Variants in B4GALNT4 observed in about 807,000 individuals in gnomAD.
B4GALNT4 encodes the protein beta-1,4-N-acetyl-galactosaminyltransferase 4, also known as N-acetyl-beta-glucosaminyl-glycoprotein 4-beta-N-acetylgalactosaminyltransferase 1.
A neutral mutation model predicts 110.0 loss-of-function variants in B4GALNT4; 77 were observed. The observed-to-expected ratio is 0.70, with a 90% confidence interval of 0.58 to 0.85. The LOEUF (loss-of-function observed/expected upper bound fraction) is 0.85. Ranked by LOEUF, B4GALNT4 falls within the 40% of genes least tolerant of loss-of-function variation. The probability of loss-of-function intolerance (pLI) is 0.00; values close to 1 mark genes in which losing one functional copy is unlikely to be tolerated. For synonymous variants in B4GALNT4, 785 were observed against 655.5 expected (o/e 1.20, Z -3.02); for missense variants, 1,575 against 1,506.0 (o/e 1.05, Z -0.76).
chr11:373,652 G>A (rs768866573), intron 7 of B4GALNT4, 98 bp from the exon 8 acceptor site: 191 of 1,526,520 alleles, frequency 1.3e-4, no homozygotes, highest in Non-Finnish European at 1.7e-4. Flanking sequence ...CCTCCTGAGG[G>A]CCAGCCCTGA....
rs1564872659 is a variant in B4GALNT4 at position 380,038 on chromosome 11, AC to A, written c.2642+21del. On this transcript the variant is annotated intron_variant, in intron 16 of 19. Coordinates refer to ENST00000329962, the MANE Select transcript of B4GALNT4 (RefSeq NM_178537.5). ...TGCCCCGGTAACGACCCCTACTTCC[AC>A]CTGGGCGGACCCAGCGCAGCTTTCC... is the stretch of plus-strand genomic sequence containing the variant. 3.7e-6 allele frequency: 6 copies of A among 1,607,818 alleles called. No homozygotes were observed. The Admixed American group carries it at 1.0e-4, about 27-fold the overall frequency.
In B4GALNT4 at chr11:375,771, T is replaced by G; in HGVS notation, c.983T>G (p.Leu328Arg). Residue 328 changes from leucine to arginine, a missense_variant and splice_region_variant, in exon 10 of 20, where the codon CTC becomes CGC. By Grantham distance (102) the Leu-to-Arg change is moderately radical (BLOSUM62 -2). Coordinates refer to ENST00000329962, the MANE Select transcript of B4GALNT4 (RefSeq NM_178537.5). Reference sequence around the variant, plus strand: ...CCAGATCCCAGGGATACCTTTTTCCTCAGTGAGAGGGGGCCCGCGCGGGGG... The same window carrying G: ...CCAGATCCCAGGGATACCTTTTTCCGCAGTGAGAGGGGGCCCGCGCGGGGG... ...LRPDPRDTFF[L>R]TPRMESSSLE... 2.5e-6 allele frequency: 4 copies of G among 1,598,894 alleles called. No individual in the cohort carries two copies. The highest frequency in any genetic ancestry group is 3.4e-6 in the Non-Finnish European group (4 of 1,176,006).
chr11:377,365 G>C, intron 14 of B4GALNT4, 38 bp downstream of exon 14: 5 of 1,462,738 alleles, frequency 3.4e-6, no homozygotes, highest in Non-Finnish European at 4.5e-6. Flanking sequence ...GGCGGTTTTG[G>C]AGGCGGGGAC....
chr11:373,022 C>G lies in B4GALNT4; in HGVS notation c.445-4C>G, dbSNP rs772746798. The G allele has an allele frequency of 5.0e-6, 8 of 1,612,456 alleles. No individual in the cohort carries two copies. Among genetic ancestry groups the G allele is most frequent in the African/African-American group, 2.7e-5 (2 of 74,960 alleles). ...TTCGACAGCAACAGTCACTGCCCCC[C>G]CAGACGCGCACCACCGTGAAGAAGT... On this transcript the variant is annotated splice_polypyrimidine_tract_variant and splice_region_variant and intron_variant, in intron 4 of 19. Coordinates refer to ENST00000329962, the MANE Select transcript of B4GALNT4 (RefSeq NM_178537.5).
chr11:377,317 C>T lies in B4GALNT4; in HGVS notation c.2194C>T (p.Arg732Cys), dbSNP rs1047050198. 8 of 1,541,498 alleles carry T rather than the reference C, an allele frequency of 5.2e-6. No individual in the cohort carries two copies. The highest frequency in any genetic ancestry group is 4.4e-6 in the Non-Finnish European group (5 of 1,146,468). Reference sequence around the variant, plus strand: ...TCAGTACATGGAGCGGCTGAACGCGCGCCACGGCGGGTATGGGGGCGGCCG... The same window carrying T: ...TCAGTACATGGAGCGGCTGAACGCGTGCCACGGCGGGTATGGGGGCGGCCG... ...TAQYMERLNA[R>C]HGGRFALLRI... Residue 732 changes from arginine to cysteine, a missense_variant, in exon 14 of 20, where the codon CGC (arginine) becomes TGC (cysteine). Arg to Cys is a radical substitution (Grantham distance 180). Coordinates refer to ENST00000329962, the MANE Select transcript of B4GALNT4 (RefSeq NM_178537.5).
chr11:380,859 G>T lies in B4GALNT4; in HGVS notation c.2904G>T (p.Gly968=), dbSNP rs759732791. 12 of 1,613,734 alleles carry T rather than the reference G, an allele frequency of 7.4e-6. No homozygotes were observed. The highest frequency in any genetic ancestry group is 1.7e-5 in the Admixed American group (1 of 59,988). ...AGGTGAACGGCTTTGGCCTTTTTGG[G>T]ATCTACAAGTCGGACTTTGACCGGG... ...YWEVNGFGLF[G]IYKSDFDRVG... Residue 968 remains glycine, a synonymous_variant, in exon 19 of 20, where the codon GGG becomes GGT. Transcript: ENST00000329962.
At position 376,077 on chromosome 11, in the gene B4GALNT4, T is replaced by A. The variant is rs781541041; in HGVS notation, c.1099T>A (p.Tyr367Asn). 6.6e-7 allele frequency: 1 copy of A among 1,510,708 alleles called. No individual in the cohort carries two copies. Among genetic ancestry groups the A allele is most frequent in the Non-Finnish European group, 9.2e-7 (1 of 1,090,268 alleles). 93.6% of individuals were successfully genotyped at this position (1,510,708 alleles called of 1,614,324 possible). Residue 367 changes from tyrosine to asparagine, a missense_variant, in exon 12 of 20, where the codon TAC (tyrosine) becomes AAC (asparagine). Coordinates refer to ENST00000329962, the MANE Select transcript of B4GALNT4 (RefSeq NM_178537.5). ...CCTGCGCCCCCCCACCCCCCAGGTG[T>A]ACCTGTCCTTCGTTTATCCCAACGA... ...IARYQGLQFV[Y>N]LSFVYPNDYT...
intron 1 of B4GALNT4, among the ~76,000 whole-genome samples, chr11:371,294 T>C (rs1404258196): frequency 2.0e-5 from 3 of 152,096 alleles, no homozygotes; most frequent in African/African-American, 7.2e-5. Flanking sequence ...GGGGCCCAAG[T>C]CAGGGGAGCC....
chr11:372,937 T>C lies in B4GALNT4; in HGVS notation c.434T>C (p.Leu145Pro). The C allele has an allele frequency of 6.2e-7, 1 of 1,603,908 alleles. No homozygotes were observed. Among genetic ancestry groups the C allele is most frequent in the Non-Finnish European group, 8.5e-7 (1 of 1,175,606 alleles). The change falls in exon 4 of 20, where the codon CTG (leucine) becomes CCG (proline). Residue 145 changes from leucine to proline, a missense_variant. Transcript: ENST00000329962. The part of the protein sequence containing the change: ...GHLRRNLHFP[L>P]FPHTRTTVKK... ...CTGAGGAGGAACCTGCACTTCCCGC[T>C]GTTCCCTCATGTGAGTGCCGGGGTT... is the stretch of plus-strand genomic sequence containing the variant.
rs115127484 is a variant in B4GALNT4 at position 373,740 on chromosome 11, G to C, written c.705-10G>C. ...GTGCATGGCACGACCCTTGCTCCTC[G>C]TGTCCCCAGGCTCATGGCCTCCCGG... On this transcript the variant is annotated splice_polypyrimidine_tract_variant and intron_variant, in intron 7 of 19. Coordinates refer to ENST00000329962, the MANE Select transcript of B4GALNT4 (RefSeq NM_178537.5). 6.2e-7 allele frequency: 1 copy of C among 1,611,936 alleles called. No individual in the cohort carries two copies. The highest frequency in any genetic ancestry group is 8.5e-7 in the Non-Finnish European group (1 of 1,179,710).
At chr11:374,261 AC>A (rs1356576111) in intron 8 of B4GALNT4, among the ~76,000 whole-genome samples, 3 of 151,246 alleles carry the variant, frequency 2.0e-5, no homozygotes, top group African/African-American at 7.3e-5. Context: ...CCAGGAAAAA[AC>A]CCCTGGCCAC....
chr11:380,557 CA>C, intron 18 of B4GALNT4, 112 bp downstream of exon 18: 1 of 1,429,966 alleles, frequency 7.0e-7, no homozygotes. Flanking sequence ...GGGAGTCCAT[CA>C]GTGCTCCCCG....
rs1846732719 is a variant in B4GALNT4, at chr11:375,736, C to T, written c.948C>T (p.Asp316=). 2 of 1,596,920 alleles carry T rather than the reference C, an allele frequency of 1.3e-6. No individual in the cohort carries two copies. The highest frequency in any genetic ancestry group is 1.7e-6 in the Non-Finnish European group (2 of 1,175,754). Residue 316 remains aspartate (D), a synonymous_variant, in exon 10 of 20, where the codon GAC becomes GAT. Transcript: ENST00000329962. ...CGCCGCAGGAGGAGACCAGCGCAGA[C>T]ATGCTGCGGCCAGATCCCAGGGATA... is the stretch of plus-strand genomic sequence containing the variant. ...GRPPQEETSA[D]MLRPDPRDTF...
intron 8 of B4GALNT4, 111 bp downstream of exon 8, chr11:373,939 G>A (rs1487996360): frequency 3.6e-6 from 4 of 1,102,758 alleles, no homozygotes; most frequent in Admixed American, 2.0e-5. Context: ...GATGGTCAGG[G>A]CCATGGGCCT....
chr11:381,552 C>T (rs1846875945), intron 19 of B4GALNT4, 117 bp from the exon 20 acceptor site: 2 of 272,166 alleles, frequency 7.3e-6, no homozygotes. Flanking sequence ...GTCCTGACCA[C>T]CTCTCCGCCC....
Position 372,174 on chromosome 11 carries a change from G to A in B4GALNT4, c.217G>A (p.Ala73Thr), listed in dbSNP as rs1846629146. Residue 73 changes from alanine (A) to threonine (T), a missense_variant, in exon 2 of 20, where the codon GCT becomes ACT. Ala to Thr is a moderately conservative substitution (Grantham distance 58, BLOSUM62 0). Transcript: ENST00000329962. ...CCACGCTGCGCCATCCACACAGAGG[G>A]CTGAGGACTCCAGTGAGAGCCGTGA... ...GVHAAPSTQR[A>T]EDSSESREEE... 6.5e-7 allele frequency: 1 copy of A among 1,550,154 alleles called. No homozygotes were observed. The highest frequency in any genetic ancestry group is 1.2e-5 in the South Asian group (1 of 84,056).
chr11:372,800 T>C, intron 3 of B4GALNT4, 46 bp downstream of exon 3: 2 of 84,720 alleles, frequency 2.4e-5, no homozygotes, highest in Non-Finnish European at 1.7e-5. Flanking sequence ...GGGCGGGGGC[T>C]GGGGCGGGGG....
chr11:377,323 G>C lies in B4GALNT4; in HGVS notation c.2200G>C (p.Gly734Arg). The change falls in exon 14 of 20, where the codon GGC becomes CGC. Residue 734 changes from glycine (G) to arginine (R), a missense_variant. By Grantham distance (125) the Gly-to-Arg change is moderately radical. Coordinates refer to ENST00000329962, the MANE Select transcript of B4GALNT4 (RefSeq NM_178537.5). ...QYMERLNARH[G>R]GRFALLRIVN... Reference sequence around the variant, plus strand: ...CATGGAGCGGCTGAACGCGCGCCACGGCGGGTATGGGGGCGGCCGAACGCG... The same window carrying C: ...CATGGAGCGGCTGAACGCGCGCCACCGCGGGTATGGGGGCGGCCGAACGCG... 1 of 1,533,414 alleles carries C rather than the reference G, an allele frequency of 6.5e-7. No homozygotes were observed. Among genetic ancestry groups the C allele is most frequent in the Non-Finnish European group, 8.7e-7 (1 of 1,143,944 alleles). The allele number at this position is 1,533,414 out of a possible 1,614,324, so 95.0% of individuals were successfully genotyped here.
In B4GALNT4 at chr11:380,441, C is replaced by G. The variant is rs761372043; in HGVS notation, c.2865C>G (p.Pro955=). The change falls in exon 18 of 20, where the codon CCC becomes CCG. Residue 955 remains proline (P), a synonymous_variant. Coordinates refer to ENST00000329962, the MANE Select transcript of B4GALNT4 (RefSeq NM_178537.5). Reference sequence around the variant, plus strand: ...GCTGCGGGAGCTCGCCCCGGGACCCCCACGGTGAGGCCCCGAGCGTCCCAC... The same window carrying G: ...GCTGCGGGAGCTCGCCCCGGGACCCGCACGGTGAGGCCCCGAGCGTCCCAC... ...RLSCGSSPRD[P]HGYWEVNGFG... 3 of 1,597,532 alleles carry G rather than the reference C, an allele frequency of 1.9e-6. No individual in the cohort carries two copies.
Sources: gnomAD v4.1 joint callset for allele counts (sites outside exome capture counted in the v4.1 genomes callset) on GRCh38, gnomAD v4.1.1 for gene constraint, MANE v1.5 for transcripts, NCBI Gene and HGNC (gene_info 2026-07-23, HGNC 2026-07-21) for gene names.